SIPA1L1: variants seen among roughly 807,000 people sequenced by gnomAD.
SIPA1L1 encodes signal induced proliferation associated 1 like 1.
Under a neutral mutation model 162.7 loss-of-function variants are expected in SIPA1L1, and 26 were observed. That is an observed-to-expected ratio of 0.16 (90% CI 0.12 to 0.22). The LOEUF is 0.22. SIPA1L1 is among the 10% of genes least tolerant of loss of function. SIPA1L1 has a pLI of 1.00. For synonymous variants in SIPA1L1, 829 were observed against 837.4 expected (o/e 0.99, Z 0.17); for missense variants, 1,874 against 2,241.0 (o/e 0.84, Z 3.31).
intron 4 of SIPA1L1, among the ~76,000 whole-genome samples, chr14:71,545,422 T>G (rs2146010281): frequency 6.6e-6 from 1 of 152,306 alleles, no homozygotes; most frequent in East Asian, 1.9e-4. Context: ...AGATATAGAT[T>G]TTCATTAGAT....
In SIPA1L1 at chr14:71,393,806, G is replaced by A. The variant is rs566442404; in HGVS notation, c.-465+72625G>A. On this transcript the variant is annotated intron_variant, in intron 2 of 23. Coordinates refer to ENST00000381232, the MANE Select transcript of SIPA1L1 (RefSeq NM_001386936.1). ...ACTGCATTTAAGCCTGGGTGATACA[G>A]CAAGACCCCATCTCTAAAAAAATAA... 2.0e-5 allele frequency among the ~76,000 whole-genome samples: 3 copies of A among 152,324 alleles called. No homozygotes were observed. The East Asian group carries it at 5.8e-4, about 29-fold the overall frequency.
chr14:71,513,873 C>A (rs2051425602), intron 3 of SIPA1L1, among the ~76,000 whole-genome samples: 1 of 152,142 alleles, frequency 6.6e-6, no homozygotes, highest in Non-Finnish European at 1.5e-5. Context: ...GTAGGTCAGG[C>A]TAGAAACTCG....
chr14:71,672,614 C>T lies in SIPA1L1; in HGVS notation c.3096C>T (p.Thr1032=), dbSNP rs751938193. 1.9e-6 allele frequency: 3 copies of T among 1,613,178 alleles called. No homozygotes were observed. Among genetic ancestry groups the T allele is most frequent in the Non-Finnish European group, 2.5e-6 (3 of 1,179,252 alleles). The change falls in exon 12 of 24, where the codon ACC becomes ACT. Residue 1032 remains threonine (T), a synonymous_variant. Coordinates refer to ENST00000381232, the MANE Select transcript of SIPA1L1 (RefSeq NM_001386936.1). ...VVIIPPHDDC[T]PRRSCSETYR... is the part of the protein sequence containing the mutation. The stretch of plus-strand genomic sequence containing the variant: ...TCATTCCCCCGCATGATGACTGCAC[C>T]CCGCGGAGGTAGGTCTGAGGAGACA...
intron 2 of SIPA1L1, among the ~76,000 whole-genome samples, chr14:71,336,637 G>A (rs2035122711): frequency 6.6e-6 from 1 of 152,158 alleles, no homozygotes; most frequent in African/African-American, 2.4e-5. Flanking sequence ...ATAGCAAAAC[G>A]ACCAGTTACT....
intron 5 of SIPA1L1, among the ~76,000 whole-genome samples, chr14:71,602,027 A>G (rs2036830866): frequency 6.7e-6 from 1 of 149,678 alleles, no homozygotes; most frequent in African/African-American, 2.5e-5. Flanking sequence ...TTTATTTTGT[A>G]GATTTTTTTC....
intron 7 of SIPA1L1, among the ~76,000 whole-genome samples, chr14:71,631,739 T>C (rs1178240697): frequency 6.6e-6 from 1 of 152,240 alleles, no homozygotes; most frequent in Non-Finnish European, 1.5e-5. Context: ...TACTATTTAG[T>C]ATCCATATGT....
At chr14:71,637,273 T>C (rs2041255695) in intron 7 of SIPA1L1, among the ~76,000 whole-genome samples, 1 of 152,078 alleles carries the variant, frequency 6.6e-6, no homozygotes, top group South Asian at 2.1e-4. Context: ...GGTTTCGCTT[T>C]CTGCAGTCAA....
At chr14:71,478,217 G>T (rs1333564062) in intron 2 of SIPA1L1, among the ~76,000 whole-genome samples, 1 of 151,944 alleles carries the variant, frequency 6.6e-6, no homozygotes, top group East Asian at 1.9e-4. Context: ...TTTAAATTGG[G>T]TTATTTCTTG....
In SIPA1L1 at chr14:71,733,731, G is replaced by T; in HGVS notation, c.4927G>T (p.Asp1643Tyr). The T allele has an allele frequency of 6.2e-7, 1 of 1,613,860 alleles. No homozygotes were observed. The highest frequency in any genetic ancestry group is 1.3e-5 in the African/African-American group (1 of 75,038). The stretch of plus-strand genomic sequence containing the variant: ...GGAGACCCGCAGGCAGCCTATGCCC[G>T]ACCCTGGCCTGATGCCCCTGCCTGA... Reference protein sequence around the residue: ...IQETRRQPMPDPGLMPLPDTA... With the variant: ...IQETRRQPMPYPGLMPLPDTA... The change falls in exon 21 of 24, where the codon GAC (aspartate) becomes TAC (tyrosine). Residue 1643 changes from aspartate (D) to tyrosine (Y), a missense_variant. Physicochemically the swap from Asp to Tyr is radical, Grantham distance 160. Transcript: ENST00000381232.
intron 4 of SIPA1L1, chr14:71,586,178 G>A (rs942713163): frequency 6.6e-6 from 1 of 151,598 alleles, no homozygotes; most frequent in Non-Finnish European, 1.5e-5. Context: ...CAGCCAGCAC[G>A]AGCCCAGCCA....
intron 2 of SIPA1L1, among the ~76,000 whole-genome samples, chr14:71,415,545 C>T (rs139152393): frequency 3.2e-4 from 48 of 152,226 alleles, no homozygotes; most frequent in Middle Eastern, 3.4e-3. Context: ...TCTGGTACTT[C>T]GAGAGGGAAG....
intron 2 of SIPA1L1, among the ~76,000 whole-genome samples, chr14:71,439,754 T>C (rs1323307519): frequency 6.6e-6 from 1 of 152,250 alleles, no homozygotes; most frequent in African/African-American, 2.4e-5. Context: ...GTAAAACGTT[T>C]TCTTTTGATT....
intron 17 of SIPA1L1, 123 bp downstream of exon 17, chr14:71,709,787 T>C: frequency 2.8e-6 from 2 of 726,760 alleles, no homozygotes. Flanking sequence ...GTGACAATTA[T>C]TTTTATATGT....
At chr14:71,614,362 C>G (rs1195079456) in intron 5 of SIPA1L1, among the ~76,000 whole-genome samples, 1 of 151,840 alleles carries the variant, frequency 6.6e-6, no homozygotes, top group African/African-American at 2.4e-5. Context: ...AGAGTTTTTT[C>G]TATACTTCTG....
At chr14:71,640,072 T>C (rs1296552621) in intron 7 of SIPA1L1, among the ~76,000 whole-genome samples, 4 of 151,958 alleles carry the variant, frequency 2.6e-5, no homozygotes, top group African/African-American at 9.7e-5. Flanking sequence ...CCCGGCTAAT[T>C]TTTGTATTTT....
intron 2 of SIPA1L1, among the ~76,000 whole-genome samples, chr14:71,424,032 G>A (rs980651703): frequency 4.6e-5 from 7 of 151,808 alleles, no homozygotes; most frequent in Non-Finnish European, 7.4e-5. Context: ...TAATTCCTAG[G>A]TATTTTATTC....
chr14:71,500,372 A>G (rs958426337), intron 2 of SIPA1L1, among the ~76,000 whole-genome samples: 1 of 152,216 alleles, frequency 6.6e-6, no homozygotes, highest in African/African-American at 2.4e-5. Flanking sequence ...GCTCATTTGG[A>G]CAATAAAATA....
At chr14:71,457,563 C>G (rs1292083047) in intron 2 of SIPA1L1, among the ~76,000 whole-genome samples, 1 of 151,856 alleles carries the variant, frequency 6.6e-6, no homozygotes, top group Admixed American at 6.6e-5. Flanking sequence ...TCCCAAAGTG[C>G]TGGGATTGCA....
intron 2 of SIPA1L1, among the ~76,000 whole-genome samples, chr14:71,361,727 A>G (rs2037834261): frequency 1.3e-5 from 2 of 152,178 alleles, no homozygotes; most frequent in African/African-American, 4.8e-5. Flanking sequence ...GACAGTAGCT[A>G]CCCCTGAGCA....
Sources: gnomAD v4.1 joint callset for allele counts (sites outside exome capture counted in the v4.1 genomes callset) on GRCh38, gnomAD v4.1.1 for gene constraint, MANE v1.5 for transcripts, NCBI Gene and HGNC (gene_info 2026-07-23, HGNC 2026-07-21) for gene names.